Variants in MYH4 observed in about 807,000 individuals in gnomAD.
MYH4 encodes myosin heavy chain 4.
MYH4 carries 200 observed loss-of-function variants against 229.9 expected under a neutral mutation model. The ratio of observed to expected loss-of-function variants is 0.87; its 90% CI spans 0.78 to 0.98. The LOEUF (loss-of-function observed/expected upper bound fraction) is 0.98, where lower values mean the gene tolerates loss of function less well. Among genes scored for constraint, MYH4 ranks in the 50% least tolerant of loss-of-function variants. The pLI is 0.00. For missense variants in MYH4, 2,148 were observed against 2,332.6 expected (o/e 0.92, Z 1.63); for synonymous variants, 761 against 834.6 (o/e 0.91, Z 1.52).
chr17:10,457,360 G>A, intron 16 of MYH4, 60 bp downstream of exon 16: 1 of 1,512,878 alleles, frequency 6.6e-7, no homozygotes. Context: ...ATTTGTCTCT[G>A]TTGAACAGTG....
chr17:10,464,572 G>A lies in MYH4; in HGVS notation c.548C>T (p.Ala183Val). ...ACGCTTCGTGTTCACAGTCTTCCCT[G>A]CACCAGATTCTCCACTATCAAGTTC... ...QSILITGESGAGKTVNTKRVI... is the reference protein window; with the variant it reads ...QSILITGESGVGKTVNTKRVI... Residue 183 changes from alanine to valine, a missense_variant, in exon 7 of 40, where the codon GCA becomes GTA. Transcript: ENST00000255381. 6.2e-7 allele frequency: 1 copy of A among 1,613,982 alleles called. No individual in the cohort carries two copies. The highest frequency in any genetic ancestry group is 8.5e-7 in the Non-Finnish European group (1 of 1,179,956).
intron 35 of MYH4, 40 bp from the exon 36 acceptor site, chr17:10,445,402 T>A: frequency 6.2e-7 from 1 of 1,611,108 alleles, no homozygotes; most frequent in African/African-American, 1.3e-5. Flanking sequence ...GCACATTTAC[T>A]TATAACAACT....
intron 19 of MYH4, 22 bp from the exon 20 acceptor site, chr17:10,455,317 A>T: frequency 6.3e-7 from 1 of 1,597,002 alleles, no homozygotes; most frequent in Non-Finnish European, 8.5e-7. Flanking sequence ...AAAAGAATAT[A>T]AAAATGTGGT....
chr17:10,461,185 A>G lies in MYH4; in HGVS notation c.1009-131T>C, dbSNP rs952817220. 8.0e-6 allele frequency: 8 copies of G among 1,002,098 alleles called. No homozygotes were observed. In the Admixed American group the frequency reaches 1.5e-4, roughly 19 times the overall value. The allele number at this position is 1,002,098 out of a possible 1,614,324, so 62.1% of individuals were successfully genotyped here. A position where few individuals can be genotyped will look rare whatever the true frequency, so the allele number is the denominator to read the frequency against. On this transcript the variant is annotated intron_variant, in intron 11 of 39. Transcript: ENST00000255381. Reference sequence around the variant, plus strand: ...TTTGACTAGCACTTTGCCATCTTCAAAAGGTACTCATATGCTTTACCTTTT... The same window carrying G: ...TTTGACTAGCACTTTGCCATCTTCAGAAGGTACTCATATGCTTTACCTTTT...
chr17:10,446,937 T>C, intron 35 of MYH4, 76 bp downstream of exon 35: 2 of 1,461,628 alleles, frequency 1.4e-6, no homozygotes, highest in Non-Finnish European at 1.9e-6. Flanking sequence ...CTTTTTACTT[T>C]ATAAACAAGC....
Position 10,465,573 on chromosome 17 carries a change from G to A in MYH4, c.374C>T (p.Thr125Ile), listed in dbSNP as rs2072754424. 2 of 1,614,130 alleles carry A rather than the reference G, an allele frequency of 1.2e-6. No homozygotes were observed. The highest frequency in any genetic ancestry group is 1.1e-5 in the South Asian group (1 of 91,070). The change falls in exon 5 of 40, where the codon ACC becomes ATC. Residue 125 changes from threonine to isoleucine, a missense_variant. Transcript: ENST00000255381. ...IYTYSGLFCV[T>I]VNPYKWLPVY... is the part of the protein sequence containing the mutation. ...CGGCAGCCACTTGTAGGGGTTGACG[G>A]TGACACAGAAGAGGCCCGAGTAGGT...
chr17:10,450,485 G>T lies in MYH4; in HGVS notation c.4149C>A (p.Ala1383=). ...CCTCCAGCTCCTCTGTGCGCTGGATGGCGTCCGTCTCGTACTTGGTCCTCC... is the reference window on the plus strand; with the variant it reads ...CCTCCAGCTCCTCTGTGCGCTGGATTGCGTCCGTCTCGTACTTGGTCCTCC... ...AQWRTKYETD[A]IQRTEELEEA... The change falls in exon 30 of 40, where the codon GCC becomes GCA. Residue 1383 remains alanine, a synonymous_variant. Transcript: ENST00000255381. The T allele has an allele frequency of 6.2e-7, 1 of 1,614,016 alleles. No homozygotes were observed. Among genetic ancestry groups the T allele is most frequent in the Non-Finnish European group, 8.5e-7 (1 of 1,179,916 alleles).
Position 10,461,069 on chromosome 17 carries a change from G to A in MYH4, c.1009-15C>T. ...TCCACAGCACTCTGTCAAAAGAGTT[G>A]AATTTGCTCATCCCCAATTAGCACC... On this transcript the variant is annotated splice_polypyrimidine_tract_variant and intron_variant, in intron 11 of 39. Coordinates refer to ENST00000255381, the MANE Select transcript of MYH4 (RefSeq NM_017533.2). 4 of 1,613,538 alleles carry A rather than the reference G, an allele frequency of 2.5e-6. No individual in the cohort carries two copies. The highest frequency in any genetic ancestry group is 3.4e-6 in the Non-Finnish European group (4 of 1,179,648).
In MYH4 at chr17:10,445,277, G is replaced by C; in HGVS notation, c.5255C>G (p.Ala1752Gly). The C allele has an allele frequency of 6.2e-7, 1 of 1,614,142 alleles. No homozygotes were observed. The highest frequency in any genetic ancestry group is 8.5e-7 in the Non-Finnish European group (1 of 1,180,030). Residue 1752 changes from alanine to glycine, a missense_variant, in exon 36 of 40, where the codon GCC becomes GGC. Ala to Gly is a moderately conservative substitution (Grantham distance 60). Coordinates refer to ENST00000255381, the MANE Select transcript of MYH4 (RefSeq NM_017533.2). ...QGEMEDIVQE[A>G]RNAEEKAKKA... is the part of the protein sequence containing the mutation. Reference sequence around the variant, plus strand: ...CTTGGCCTTCTCCTCTGCATTGCGGGCTTCCTGGACGATGTCCTCCATCTC... The same window carrying C: ...CTTGGCCTTCTCCTCTGCATTGCGGCCTTCCTGGACGATGTCCTCCATCTC...
At chr17:10,458,702 A>G (rs1439382727) in intron 15 of MYH4, among the ~76,000 whole-genome samples, 2 of 152,086 alleles carry the variant, frequency 1.3e-5, no homozygotes, top group African/African-American at 2.4e-5. Context: ...TGATGTAACT[A>G]TTGCTTCACC....
At chr17:10,451,294 T>G (rs1304311719) in intron 28 of MYH4, 32 bp downstream of exon 28, 1 of 1,608,452 alleles carries the variant, frequency 6.2e-7, no homozygotes, top group Non-Finnish European at 8.5e-7. Flanking sequence ...ATTCGTCACC[T>G]CTCCGAAGGT....
intron 7 of MYH4, 69 bp downstream of exon 7, chr17:10,464,403 T>TGATGTGC (rs2072737594): frequency 7.8e-7 from 1 of 1,286,718 alleles, no homozygotes; most frequent in South Asian, 1.3e-5. Context: ...GTATACAGTC[T>TGATGTGC]ACTGTTGATG....
At chr17:10,449,593 T>G (rs2072550020) in intron 30 of MYH4, among the ~76,000 whole-genome samples, 1 of 152,202 alleles carries the variant, frequency 6.6e-6, no homozygotes, top group South Asian at 2.1e-4. Flanking sequence ...TTTAAGCATT[T>G]TCTAGTATGG....
chr17:10,463,253 T>G, intron 9 of MYH4, 65 bp from the exon 10 acceptor site: 5 of 1,556,082 alleles, frequency 3.2e-6, no homozygotes, highest in Non-Finnish European at 4.4e-6. Flanking sequence ...GTTTGAAAAT[T>G]TCACACAACA....
In MYH4 at chr17:10,448,871, A is replaced by C. The variant is rs773113530; in HGVS notation, c.4358T>G (p.Phe1453Cys). ...CIALDKKQRN[F>C]DKVLAEWKQK... ...GCTGGTACTGTGGACCACCTTGTCA[A>C]AGTTTCTTTGCTTCTTATCGAGAGC... is the stretch of plus-strand genomic sequence containing the variant. Residue 1453 changes from phenylalanine (F) to cysteine (C), a missense_variant, in exon 31 of 40, where the codon TTT becomes TGT. By Grantham distance (205) the Phe-to-Cys change is radical. Coordinates refer to ENST00000255381, the MANE Select transcript of MYH4 (RefSeq NM_017533.2). The C allele has an allele frequency of 1.8e-5, 29 of 1,613,880 alleles. No individual in the cohort carries two copies. Among genetic ancestry groups the C allele is most frequent in the Middle Eastern group, 1.6e-4 (1 of 6,082 alleles).
chr17:10,454,206 G>C (rs1317646832), intron 22 of MYH4, among the ~76,000 whole-genome samples: 1 of 152,188 alleles, frequency 6.6e-6, no homozygotes, highest in African/African-American at 2.4e-5. Flanking sequence ...ACATTTAAGA[G>C]GGGATTAACT....
At chr17:10,456,436 T>C in intron 17 of MYH4, 49 bp downstream of exon 17, 3 of 1,485,586 alleles carry the variant, frequency 2.0e-6, no homozygotes, top group Non-Finnish European at 2.8e-6. Flanking sequence ...TTTTGATGGT[T>C]TAGTTTTTTA....
In MYH4 at chr17:10,448,266, A is replaced by G. The variant is rs572598509; in HGVS notation, c.4656+130T>C. 442 of 1,321,878 alleles carry G rather than the reference A, an allele frequency of 3.3e-4. 10 individuals carry two copies. The South Asian group carries it at 6.1e-3, about 18-fold the overall frequency. 81.9% of individuals were successfully genotyped at this position (1,321,878 alleles called of 1,614,324 possible). A position where few individuals can be genotyped will look rare whatever the true frequency, so the allele number is the denominator to read the frequency against. The stretch of plus-strand genomic sequence containing the variant: ...GTAGCCTATTAGCTCTGCATTCTCA[A>G]GGTACAATTCAGTATTTTTCACTGA... On this transcript the variant is annotated intron_variant, in intron 33 of 39. Coordinates refer to ENST00000255381, the MANE Select transcript of MYH4 (RefSeq NM_017533.2).
At chr17:10,456,419 T>A (rs924626312) in intron 17 of MYH4, 66 bp downstream of exon 17, 6 of 1,334,986 alleles carry the variant, frequency 4.5e-6, no homozygotes, top group African/African-American at 4.4e-5. Flanking sequence ...TTTTAAAAAA[T>A]TTTCTGTTTT....
Sources: gnomAD v4.1 joint callset for allele counts (sites outside exome capture counted in the v4.1 genomes callset) on GRCh38, gnomAD v4.1.1 for gene constraint, MANE v1.5 for transcripts, NCBI Gene and HGNC (gene_info 2026-07-23, HGNC 2026-07-21) for gene names.